Variants in GPATCH1 observed in about 807,000 individuals in gnomAD.
GPATCH1 encodes G patch domain-containing protein 1.
GPATCH1 carries 73 observed loss-of-function variants against 114.9 expected under a neutral mutation model. That is an observed-to-expected ratio of 0.64 (90% CI 0.53 to 0.77). The LOEUF (loss-of-function observed/expected upper bound fraction) is 0.77, where lower values mean the gene tolerates loss of function less well. GPATCH1 is among the 30% of genes least tolerant of loss of function. The pLI, the probability that GPATCH1 is intolerant of heterozygous loss-of-function variation, is 0.00. For missense variants in GPATCH1, 1,058 were observed against 1,144.3 expected, an observed-to-expected ratio of 0.92 and a Z score of 1.09; for synonymous variants, 391 against 428.4, an observed-to-expected ratio of 0.91 and a Z score of 1.08.
At chr19:33,101,193 G>T (rs1263878639) in intron 8 of GPATCH1, among the ~76,000 whole-genome samples, 1 of 152,122 alleles carries the variant, frequency 6.6e-6, no homozygotes, top group African/African-American at 2.4e-5. Flanking sequence ...TATATCCTTT[G>T]GTGCCCCTAA....
At chr19:33,092,010 G>A (rs759431616) in intron 3 of GPATCH1, among the ~76,000 whole-genome samples, 1 of 151,596 alleles carries the variant, frequency 6.6e-6, no homozygotes. Context: ...CCAGGATGAC[G>A]TTGTTCAAGA....
rs1472844353 is a variant in GPATCH1 at position 33,113,807 on chromosome 19, T to C, written c.1933T>C (p.Tyr645His). ...VGLPRVKRDK[Y>H]SVFNFLTLPE... is the part of the protein sequence containing the mutation. ...CTTACCAAGAGTGAAGCGTGACAAG[T>C]ACTCAGTCTTCAACTTTCTGACGCT... Residue 645 changes from tyrosine (Y) to histidine (H), a missense_variant, in exon 14 of 20, where the codon TAC becomes CAC. Around this residue, in one of 3 missense-constraint regions of GPATCH1, gnomAD observed 893 missense variants for 977.4 expected, o/e 0.91. Transcript: ENST00000170564. The C allele has an allele frequency of 6.2e-7, 1 of 1,613,452 alleles. No homozygotes were observed. Among genetic ancestry groups the C allele is most frequent in the Non-Finnish European group, 8.5e-7 (1 of 1,179,534 alleles).
chr19:33,090,895 A>G, intron 3 of GPATCH1, 30 bp downstream of exon 3: 1 of 1,399,908 alleles, frequency 7.1e-7, no homozygotes, highest in Non-Finnish European at 1.0e-6. Context: ...ATTGCCAATT[A>G]GCTGGTGGGA....
At position 33,125,173 on chromosome 19, in the gene GPATCH1, AAG is replaced by A; in HGVS notation, c.2592_2593del (p.Lys865ArgfsTer24). Reference protein sequence around the residue: ...HKKNKDKHKAKKEHRRKKEKK... With the variant: ...HKKNKDKHKAXKEHRRKKEKK... ...AAAGAACAAAGACAAGCACAAGGCC[AAG>A]AAAGAGCACAGGCGGAAGAAAGAGA... is the stretch of plus-strand genomic sequence containing the variant. On this transcript the variant is annotated frameshift_variant, in exon 18 of 20. Coordinates refer to ENST00000170564, the MANE Select transcript of GPATCH1 (RefSeq NM_018025.3). LOFTEE classifies it high-confidence loss of function. The A allele has an allele frequency of 6.3e-7, 1 of 1,596,718 alleles. No homozygotes were observed. Among genetic ancestry groups the A allele is most frequent in the Non-Finnish European group, 8.5e-7 (1 of 1,171,564 alleles).
At chr19:33,088,341 G>GA in intron 2 of GPATCH1, 73 bp downstream of exon 2, 1 of 1,114,766 alleles carries the variant, frequency 9.0e-7, no homozygotes, top group Non-Finnish European at 1.3e-6. Flanking sequence ...CCTCACCCTT[G>GA]CTTTTTTTTT....
At chr19:33,127,154 T>C (rs956024029) in intron 19 of GPATCH1, among the ~76,000 whole-genome samples, 7 of 148,990 alleles carry the variant, frequency 4.7e-5, no homozygotes, top group Admixed American at 2.0e-4. Context: ...AAAAAAAATG[T>C]GTGTATTAAC....
At chr19:33,105,106 G>A (rs1972768539) in intron 9 of GPATCH1, among the ~76,000 whole-genome samples, 2 of 151,872 alleles carry the variant, frequency 1.3e-5, no homozygotes, top group African/African-American at 4.8e-5. Flanking sequence ...GGTCCTCTTG[G>A]CTCTACTCAC....
chr19:33,111,617 A>T, intron 11 of GPATCH1, 107 bp from the exon 12 acceptor site: 1 of 949,176 alleles, frequency 1.1e-6, no homozygotes, highest in South Asian at 1.6e-5. Context: ...AACAAGGATA[A>T]GGACTTATGA....
intron 15 of GPATCH1, 129 bp from the exon 16 acceptor site, chr19:33,117,696 G>A: frequency 1.5e-6 from 1 of 673,328 alleles, no homozygotes; most frequent in Non-Finnish European, 2.6e-6. Context: ...GTTGGGTGGT[G>A]TGTGGCTATG....
At chr19:33,081,740 G>A (rs191125003) in intron 1 of GPATCH1, among the ~76,000 whole-genome samples, 18 of 152,278 alleles carry the variant, frequency 1.2e-4, no homozygotes, top group Admixed American at 5.9e-4. Context: ...TGACAGCGGG[G>A]GAGACAGGTA....
Position 33,092,921 on chromosome 19 carries a change from G to T in GPATCH1, c.295-438G>T, listed in dbSNP as rs1055856768. On this transcript the variant is annotated intron_variant, in intron 3 of 19. Coordinates refer to ENST00000170564, the MANE Select transcript of GPATCH1 (RefSeq NM_018025.3). ...AGTCAGTGTGAGGCGGGGCACGGTG[G>T]CTCATGCCTGTAATCCCAGCACTTT... 7.9e-5 allele frequency among the ~76,000 whole-genome samples: 12 copies of T among 152,214 alleles called. 1 individual carries two copies. Among genetic ancestry groups the T allele is most frequent in the African/African-American group, 2.9e-4 (12 of 41,454 alleles).
chr19:33,127,097 T>C (rs377629479), intron 19 of GPATCH1, among the ~76,000 whole-genome samples: 146 of 151,610 alleles, frequency 9.6e-4, no homozygotes, highest in African/African-American at 3.3e-3. Flanking sequence ...ATCGTACCAC[T>C]ACACTCCAGC....
intron 7 of GPATCH1, among the ~76,000 whole-genome samples, chr19:33,097,321 A>T (rs1226759424): frequency 1.3e-5 from 2 of 152,152 alleles, no homozygotes; most frequent in Non-Finnish European, 2.9e-5. Context: ...TCCTTTCCGC[A>T]GAGAGTAGGA....
At position 33,111,823 on chromosome 19, in the gene GPATCH1, A is replaced by T; in HGVS notation, c.1685A>T (p.His562Leu). Residue 562 changes from histidine to leucine, a missense_variant, in exon 12 of 20, where the codon CAT becomes CTT. Physicochemically the swap from His to Leu is moderately conservative, Grantham distance 99 (BLOSUM62 -3). Around this residue, in one of 3 missense-constraint regions of GPATCH1, gnomAD observed 893 missense variants for 977.4 expected, o/e 0.91. Coordinates refer to ENST00000170564, the MANE Select transcript of GPATCH1 (RefSeq NM_018025.3). ...ARAALLYASSHSTLSSRFTHA... is the reference protein window; with the variant it reads ...ARAALLYASSLSTLSSRFTHA... ...GCGGCCCTGCTGTACGCATCTTCCC[A>T]TTCGACCTTGTCCTCCAGGTTCACT... 6.2e-7 allele frequency: 1 copy of T among 1,614,126 alleles called. No individual in the cohort carries two copies. The highest frequency in any genetic ancestry group is 8.5e-7 in the Non-Finnish European group (1 of 1,179,990).
At chr19:33,094,641 T>A (rs1972635226) in intron 5 of GPATCH1, among the ~76,000 whole-genome samples, 1 of 152,198 alleles carries the variant, frequency 6.6e-6, no homozygotes, top group Non-Finnish European at 1.5e-5. Context: ...AAGGCTGTGC[T>A]AGTTTATGCT....
chr19:33,114,142 G>C, intron 14 of GPATCH1, 111 bp from the exon 15 acceptor site: 3 of 1,084,614 alleles, frequency 2.8e-6, no homozygotes, highest in South Asian at 2.7e-5. Context: ...CCTACACAGT[G>C]CCAGGCCCCT....
Position 33,096,463 on chromosome 19 carries a change from T to G in GPATCH1, c.852+17T>G, listed in dbSNP as rs1972660812. 16 of 1,593,848 alleles carry G rather than the reference T, an allele frequency of 1.0e-5. No individual in the cohort carries two copies. Among genetic ancestry groups the G allele is most frequent in the Non-Finnish European group, 1.4e-5 (16 of 1,167,196 alleles). On this transcript the variant is annotated intron_variant, in intron 7 of 19. Coordinates refer to ENST00000170564, the MANE Select transcript of GPATCH1 (RefSeq NM_018025.3). ...TCAGGCCAGGTAAAATTATTTTCTATTTTATAAAGGGGGAGTCATTGATAA... is the reference window on the plus strand; with the variant it reads ...TCAGGCCAGGTAAAATTATTTTCTAGTTTATAAAGGGGGAGTCATTGATAA...
At chr19:33,096,142 G>C in intron 6 of GPATCH1, 65 bp from the exon 7 acceptor site, 1 of 1,531,126 alleles carries the variant, frequency 6.5e-7, no homozygotes, top group Non-Finnish European at 8.9e-7. Flanking sequence ...TTTTCAATTA[G>C]TATTTTGTGG....
chr19:33,110,603 G>A (rs542698553), intron 11 of GPATCH1, among the ~76,000 whole-genome samples: 1 of 151,692 alleles, frequency 6.6e-6, no homozygotes, highest in Non-Finnish European at 1.5e-5. Context: ...TCTATTTACT[G>A]TGCCTTAACT....
Sources: allele counts gnomAD v4.1 joint callset (sites outside exome capture counted in the v4.1 genomes callset), GRCh38; gene constraint gnomAD v4.1.1; regional missense constraint gnomAD v4.1.1; transcripts MANE v1.5; gene names NCBI Gene and HGNC (gene_info 2026-07-23, HGNC 2026-07-21).